The following TFPI variants were observed in gnomAD, a reference collection of about 807,000 sequenced individuals.
The protein encoded by TFPI is anti-convertin.
TFPI carries 15 observed loss-of-function variants against 34.6 expected under a neutral mutation model. The observed-to-expected ratio is 0.43, with a 90% CI of 0.29 to 0.67. TFPI has a LOEUF of 0.67. Ranked by LOEUF, TFPI falls within the 30% of genes least tolerant of loss-of-function variation. TFPI has a pLI of 0.15. For synonymous variants in TFPI, 105 were observed against 120.1 expected, an observed-to-expected ratio of 0.87 and a Z score of 0.82; for missense variants, 301 against 364.0, an observed-to-expected ratio of 0.83 and a Z score of 1.41.
At chr2:187,512,774 T>G (rs1280360598) in intron 1 of TFPI, among the ~76,000 whole-genome samples, 1 of 151,308 alleles carries the variant, frequency 6.6e-6, no homozygotes, top group African/African-American at 2.4e-5. Context: ...GAAAAAAAGT[T>G]GGGGGGGGCC....
chr2:187,519,335 C>G (rs1687217891), intron 1 of TFPI: 1 of 153,992 alleles, frequency 6.5e-6, no homozygotes, highest in African/African-American at 2.4e-5. Flanking sequence ...TCTGGATGTC[C>G]TTTTCGTTGA....
chr2:187,498,943 G>A (rs1685667687), intron 2 of TFPI, among the ~76,000 whole-genome samples: 1 of 151,776 alleles, frequency 6.6e-6, no homozygotes, highest in Non-Finnish European at 1.5e-5. Flanking sequence ...AAATTTTTCT[G>A]GAGTTATATT....
intron 1 of TFPI, among the ~76,000 whole-genome samples, chr2:187,536,639 G>A (rs1008815048): frequency 3.3e-5 from 5 of 152,156 alleles, no homozygotes; most frequent in Admixed American, 2.0e-4. Flanking sequence ...TACTGAATGG[G>A]CAAAAGCTAG....
At chr2:187,488,426 T>G (rs752798425) in intron 3 of TFPI, 51 bp from the exon 4 acceptor site, 2 of 1,208,362 alleles carry the variant, frequency 1.7e-6, no homozygotes, top group Non-Finnish European at 2.3e-6. Flanking sequence ...TATAAAGTAA[T>G]ACTATGAATT....
In TFPI at chr2:187,497,061, G is replaced by C. The variant is rs1685530950; in HGVS notation, c.139C>G (p.Leu47Val). Reference sequence around the variant, plus strand: ...GCACAAAATGAATGCATAAGTTTCAGTGGTGGCAACTCCGTATCTATAAAG... The same window carrying C: ...GCACAAAATGAATGCATAAGTTTCACTGGTGGCAACTCCGTATCTATAAAG... ...TIITDTELPP[L>V]KLMHSFCAFK... The change falls in exon 3 of 8, where the codon CTG (leucine) becomes GTG (valine). Residue 47 changes from leucine (L) to valine (V), a missense_variant. Leu to Val is a conservative substitution (Grantham distance 32, BLOSUM62 1). Coordinates refer to ENST00000233156, the MANE Select transcript of TFPI (RefSeq NM_006287.6). 1.2e-6 allele frequency: 2 copies of C among 1,612,784 alleles called. No individual in the cohort carries two copies.
intron 6 of TFPI, among the ~76,000 whole-genome samples, chr2:187,473,461 A>G (rs1425848080): frequency 6.6e-6 from 1 of 152,190 alleles, no homozygotes; most frequent in East Asian, 1.9e-4. Context: ...TAGAATGCCA[A>G]CAGTGATTGT....
chr2:187,484,616 A>C, intron 5 of TFPI, 195 bp downstream of exon 5: 2 of 530,086 alleles, frequency 3.8e-6, no homozygotes, highest in South Asian at 3.1e-5. Context: ...AAAAAGTATT[A>C]GATCTATGAA....
chr2:187,484,366 T>A, intron 5 of TFPI, 150 bp from the exon 6 acceptor site: 1 of 627,894 alleles, frequency 1.6e-6, no homozygotes, highest in South Asian at 2.2e-5. Flanking sequence ...TCTTTAAATA[T>A]AATTGTAAGG....
intron 1 of TFPI, among the ~76,000 whole-genome samples, chr2:187,546,454 C>T (rs972871339): frequency 3.3e-5 from 5 of 151,738 alleles, no homozygotes; most frequent in African/African-American, 1.2e-4. Context: ...TAAAAGTTAG[C>T]ATTACATATC....
At chr2:187,514,938 C>A (rs1686891955) in intron 1 of TFPI, 2 of 152,206 alleles carry the variant, frequency 1.3e-5, no homozygotes, top group African/African-American at 4.8e-5. Context: ...TCTATTACAA[C>A]CAACAGCAAC....
At chr2:187,497,910 A>G (rs1402373611) in intron 2 of TFPI, among the ~76,000 whole-genome samples, 1 of 151,902 alleles carries the variant, frequency 6.6e-6, no homozygotes, top group Non-Finnish European at 1.5e-5. Flanking sequence ...GGGTGGTGCA[A>G]CCAAAAGAAT....
At chr2:187,512,774 T>C (rs1280360598) in intron 1 of TFPI, among the ~76,000 whole-genome samples, 1 of 151,308 alleles carries the variant, frequency 6.6e-6, no homozygotes, top group Non-Finnish European at 1.5e-5. Context: ...GAAAAAAAGT[T>C]GGGGGGGGCC....
In TFPI at chr2:187,484,220, G is replaced by A. The variant is rs767499241; in HGVS notation, c.536-4C>T. On this transcript the variant is annotated splice_region_variant and splice_polypyrimidine_tract_variant and intron_variant, in intron 5 of 7. Transcript: ENST00000233156. ...TTATCCACCTGGAAACCATTCGCTG[G>A]AAAAAAATACAGCCAATTAAAATAG... 3.7e-6 allele frequency: 6 copies of A among 1,608,350 alleles called. No individual in the cohort carries two copies. The highest frequency in any genetic ancestry group is 5.1e-6 in the Non-Finnish European group (6 of 1,176,918).
At chr2:187,539,046 T>C (rs1012040012) in intron 1 of TFPI, among the ~76,000 whole-genome samples, 1 of 144,458 alleles carries the variant, frequency 6.9e-6, no homozygotes, top group Admixed American at 7.2e-5. Context: ...CTTATGAGCA[T>C]ATGAAAGTGT....
chr2:187,534,288 T>A (rs1161318559), intron 1 of TFPI, among the ~76,000 whole-genome samples: 1 of 151,998 alleles, frequency 6.6e-6, no homozygotes, highest in Non-Finnish European at 1.5e-5. Context: ...AAGGTTGAAA[T>A]GAAGGAAAAA....
At chr2:187,538,374 G>A (rs1688382567) in intron 1 of TFPI, among the ~76,000 whole-genome samples, 1 of 152,160 alleles carries the variant, frequency 6.6e-6, no homozygotes, top group African/African-American at 2.4e-5. Context: ...AGAAAATGTG[G>A]CACATATACA....
intron 3 of TFPI, among the ~76,000 whole-genome samples, chr2:187,496,374 T>C (rs558421066): frequency 6.6e-6 from 1 of 152,282 alleles, no homozygotes; most frequent in Non-Finnish European, 1.5e-5. Context: ...AAGGAAAGAC[T>C]AAGTCAATGT....
intron 3 of TFPI, among the ~76,000 whole-genome samples, chr2:187,490,834 T>C (rs1685074434): frequency 6.6e-6 from 1 of 151,822 alleles, no homozygotes; most frequent in Non-Finnish European, 1.5e-5. Context: ...ATTACTGTAA[T>C]TGAATATTTT....
chr2:187,496,811 A>G, intron 3 of TFPI, 70 bp downstream of exon 3: 1 of 1,377,830 alleles, frequency 7.3e-7, no homozygotes. Context: ...TTCTCCCTAA[A>G]TTATCAAATC....
Sources: allele counts gnomAD v4.1 joint callset (sites outside exome capture counted in the v4.1 genomes callset), GRCh38; gene constraint gnomAD v4.1.1; transcripts MANE v1.5; gene names NCBI Gene and HGNC (gene_info 2026-07-23, HGNC 2026-07-21).